SLC24A4: variants seen among roughly 807,000 people sequenced by gnomAD.
SLC24A4 encodes sodium/potassium/calcium exchanger 4.
A neutral mutation model predicts 79.0 loss-of-function variants in SLC24A4; 53 were observed. The observed-to-expected ratio is 0.67, with a 90% CI of 0.54 to 0.84. The LOEUF is 0.84. SLC24A4 is among the 40% of genes least tolerant of loss of function. SLC24A4 has a pLI of 0.00. For synonymous variants in SLC24A4, 323 were observed against 323.8 expected, an observed-to-expected ratio of 1.00 and a Z score of 0.03; for missense variants, 731 against 822.0, an observed-to-expected ratio of 0.89 and a Z score of 1.35.
At position 92,474,863 on chromosome 14, in the gene SLC24A4, A is replaced by ATATATATTT. The variant is rs36185636; in HGVS notation, c.1256-7816_1256-7815insATATATTTT. On this transcript the variant is annotated intron_variant, in intron 12 of 16. Coordinates refer to ENST00000532405, the MANE Select transcript of SLC24A4 (RefSeq NM_153646.4). Reference sequence around the variant, plus strand: ...TGTGTGTATATATATATATATATATATTTTTTTTTTTTTTAGTAGACACAG... The same window carrying ATATATATTT: ...TGTGTGTATATATATATATATATATATATATATTTTTTTTTTTTTTTTTAGTAGACACAG... Among the ~76,000 whole-genome samples the ATATATATTT allele has an allele frequency of 1.2e-3, 69 of 57,116 alleles. 3 individuals are homozygous for ATATATATTT. Among genetic ancestry groups the ATATATATTT allele is most frequent in the Middle Eastern group, 7.6e-3 (1 of 132 alleles). 37.5% of individuals were successfully genotyped at this position (57,116 alleles called of 152,430 possible).
intron 2 of SLC24A4, among the ~76,000 whole-genome samples, chr14:92,339,429 G>A (rs1186242849): frequency 6.6e-6 from 1 of 152,228 alleles, no homozygotes; most frequent in East Asian, 1.9e-4. Flanking sequence ...CTTGATCTTT[G>A]TGACAGTCCT....
intron 14 of SLC24A4, among the ~76,000 whole-genome samples, chr14:92,488,413 A>G (rs7493127): frequency 0.44 from 66,041 of 151,514 alleles, 14,603 homozygotes; most frequent in Non-Finnish European, 0.48. Context: ...TCAGATTAGA[A>G]CTCACTCTAA....
intron 2 of SLC24A4, among the ~76,000 whole-genome samples, chr14:92,408,098 C>G (rs1027260002): frequency 6.8e-6 from 1 of 146,244 alleles, no homozygotes; most frequent in Non-Finnish European, 1.5e-5. Context: ...GAAATTATTT[C>G]CAATAACTGA....
At chr14:92,395,532 C>T (rs1441740370) in intron 2 of SLC24A4, among the ~76,000 whole-genome samples, 1 of 152,006 alleles carries the variant, frequency 6.6e-6, no homozygotes, top group Non-Finnish European at 1.5e-5. Flanking sequence ...GCTCCAAAAA[C>T]TTCATTTGCA....
At chr14:92,335,175 AGTTCCTCT>A (rs1885711725) in intron 2 of SLC24A4, among the ~76,000 whole-genome samples, 1 of 152,272 alleles carries the variant, frequency 6.6e-6, no homozygotes, top group Admixed American at 6.5e-5. Flanking sequence ...GAAAATACAG[AGTTCCTCT>A]GTTACCCCTC....
intron 2 of SLC24A4, among the ~76,000 whole-genome samples, chr14:92,380,890 G>GT (rs1888807821): frequency 6.6e-6 from 1 of 152,186 alleles, no homozygotes; most frequent in African/African-American, 2.4e-5. Flanking sequence ...GGTGACTGCC[G>GT]TGAGTCCCAG....
chr14:92,385,919 T>C (rs1489377457), intron 2 of SLC24A4, among the ~76,000 whole-genome samples: 1 of 152,210 alleles, frequency 6.6e-6, no homozygotes, highest in Non-Finnish European at 1.5e-5. Context: ...GGCGGCACCA[T>C]GTCTGCCTCT....
intron 13 of SLC24A4, among the ~76,000 whole-genome samples, chr14:92,486,235 A>G (rs1316135505): frequency 6.6e-6 from 1 of 152,202 alleles, no homozygotes; most frequent in African/African-American, 2.4e-5. Context: ...GCAGTTGGGG[A>G]AACTGAGGAC....
chr14:92,345,732 G>A (rs570872972), intron 2 of SLC24A4, among the ~76,000 whole-genome samples: 1 of 152,158 alleles, frequency 6.6e-6, no homozygotes, highest in Admixed American at 6.5e-5. Flanking sequence ...AGCATTTACA[G>A]CAGGATTTGC....
chr14:92,450,241 T>C (rs1307859774), intron 10 of SLC24A4: 2 of 152,212 alleles, frequency 1.3e-5, no homozygotes, highest in Non-Finnish European at 2.9e-5. Context: ...CTCAGATGTG[T>C]CTGGGACATC....
At chr14:92,444,265 G>A (rs1892664548) in intron 7 of SLC24A4, among the ~76,000 whole-genome samples, 1 of 152,174 alleles carries the variant, frequency 6.6e-6, no homozygotes, top group Non-Finnish European at 1.5e-5. Flanking sequence ...ATTTCAGTAT[G>A]TAAATGTTTT....
intron 12 of SLC24A4, among the ~76,000 whole-genome samples, chr14:92,480,497 G>T (rs1208324085): frequency 6.7e-6 from 1 of 150,170 alleles, no homozygotes; most frequent in East Asian, 1.9e-4. Context: ...GTTTCACCTT[G>T]TTAGCCAGGA....
chr14:92,336,739 C>T (rs932674910), intron 2 of SLC24A4, among the ~76,000 whole-genome samples: 1 of 152,152 alleles, frequency 6.6e-6, no homozygotes, highest in Non-Finnish European at 1.5e-5. Flanking sequence ...GGGGGATCTT[C>T]CTAGGGAGGG....
chr14:92,479,001 T>G (rs1441493048), intron 12 of SLC24A4, among the ~76,000 whole-genome samples: 1 of 152,206 alleles, frequency 6.6e-6, no homozygotes, highest in Non-Finnish European at 1.5e-5. Context: ...TTTGAATTGT[T>G]AATGTAGAAA....
At chr14:92,368,756 G>A (rs8003333) in intron 2 of SLC24A4, among the ~76,000 whole-genome samples, 122,483 of 152,092 alleles carry the variant, frequency 0.81, 49,665 homozygotes, top group East Asian at 0.99. Context: ...GTAGAACGTC[G>A]AGGTTGAGGT....
chr14:92,443,527 A>T, intron 7 of SLC24A4, 53 bp downstream of exon 7: 1 of 1,566,156 alleles, frequency 6.4e-7, no homozygotes, highest in Non-Finnish European at 8.8e-7. Context: ...CTGCGAAGGC[A>T]CAGGACCCCT....
chr14:92,375,680 C>T (rs761948577), intron 2 of SLC24A4, among the ~76,000 whole-genome samples: 1 of 152,156 alleles, frequency 6.6e-6, no homozygotes, highest in African/African-American at 2.4e-5. Flanking sequence ...GAACACATTA[C>T]GCTAAGTGAA....
At chr14:92,393,321 A>G (rs1464940440) in intron 2 of SLC24A4, among the ~76,000 whole-genome samples, 3 of 152,206 alleles carry the variant, frequency 2.0e-5, no homozygotes, top group Non-Finnish European at 4.4e-5. Context: ...GTAGAATCCA[A>G]GCTATCAGTG....
At position 92,449,174 on chromosome 14, in the gene SLC24A4, G is replaced by A; in HGVS notation, c.838G>A (p.Asp280Asn). The A allele has an allele frequency of 6.2e-7, 1 of 1,614,180 alleles. No homozygotes were observed. Among genetic ancestry groups the A allele is most frequent in the African/African-American group, 1.3e-5 (1 of 75,046 alleles). The change falls in exon 10 of 17, where the codon GAC (aspartate) becomes AAC (asparagine). Residue 280 changes from aspartate (D) to asparagine (N), a missense_variant. Asp to Asn is a conservative substitution (Grantham distance 23). Coordinates refer to ENST00000532405, the MANE Select transcript of SLC24A4 (RefSeq NM_153646.4). ...GCTGGAGGCTGGTAATGATTTCTATGACGGTAGCTATGATGACCCTTCCGT... is the reference window on the plus strand; with the variant it reads ...GCTGGAGGCTGGTAATGATTTCTATAACGGTAGCTATGATGACCCTTCCGT... ...SELEAGNDFY[D>N]GSYDDPSVPL...
Sources: allele counts gnomAD v4.1 joint callset (sites outside exome capture counted in the v4.1 genomes callset), GRCh38; gene constraint gnomAD v4.1.1; transcripts MANE v1.5; gene names NCBI Gene and HGNC (gene_info 2026-07-23, HGNC 2026-07-21).